The following DYNLL1 variants were observed in gnomAD, a reference collection of about 807,000 sequenced individuals.
DYNLL1 encodes the protein dynein light chain LC8-type 1.
A neutral mutation model predicts 10.1 loss-of-function variants in DYNLL1; 3 were observed. The observed-to-expected ratio is 0.30, with a 90% CI of 0.14 to 0.77. The LOEUF is 0.77. DYNLL1 is among the 30% of genes least tolerant of loss of function. The pLI is 0.66. For missense variants in DYNLL1, 47 were observed against 111.7 expected (o/e 0.42, Z 2.61); for synonymous variants, 46 against 41.2 (o/e 1.12, Z -0.45).
chr12:120,496,521 A>G lies in DYNLL1; in HGVS notation c.100A>G (p.Ile34Val), dbSNP rs748141393. The G allele has an allele frequency of 4.3e-6, 7 of 1,614,154 alleles. No individual in the cohort carries two copies. Among genetic ancestry groups the G allele is most frequent in the Admixed American group, 1.7e-5 (1 of 60,028 alleles). ...CATQALEKYN[I>V]EKDIAAHIKK... Reference sequence around the variant, plus strand: ...TACTCAGGCGCTGGAGAAATACAACATAGAGAAGGACATTGCGGCTCATAT... The same window carrying G: ...TACTCAGGCGCTGGAGAAATACAACGTAGAGAAGGACATTGCGGCTCATAT... The change falls in exon 2 of 3, where the codon ATA becomes GTA. Residue 34 changes from isoleucine (I) to valine (V), a missense_variant. Ile to Val is a conservative substitution (Grantham distance 29). Transcript: ENST00000242577.
At position 120,496,148 on chromosome 12, in the gene DYNLL1, A is replaced by C. The variant is rs1593007502; in HGVS notation, c.-75A>C. 1.8e-6 allele frequency: 1 copy of C among 545,820 alleles called. No individual in the cohort carries two copies. The highest frequency in any genetic ancestry group is 3.3e-6 in the Non-Finnish European group (1 of 306,970). 33.8% of individuals were successfully genotyped at this position (545,820 alleles called of 1,614,324 possible). ...CGGTTTCGGTAGCGACGGTATCTCT[A>C]GCCGGGCCTGAGCTGTGCTAGCACC... On this transcript the variant is annotated 5_prime_UTR_variant, in exon 1 of 3. Coordinates refer to ENST00000242577, the MANE Select transcript of DYNLL1 (RefSeq NM_003746.3).
At chr12:120,482,317 G>C (rs1241412884) in intron 1 of DYNLL1, among the ~76,000 whole-genome samples, 1 of 138,420 alleles carries the variant, frequency 7.2e-6, no homozygotes, top group Admixed American at 7.4e-5. Flanking sequence ...TACTAGATTT[G>C]CCAAAACAAT....
At chr12:120,471,760 G>C (rs188121936) in intron 1 of DYNLL1, among the ~76,000 whole-genome samples, 13 of 152,126 alleles carry the variant, frequency 8.5e-5, no homozygotes, top group Admixed American at 5.9e-4. Context: ...ACAGGTGCCT[G>C]CCACCACGCC....
rs375698180 is a variant in DYNLL1, at chr12:120,498,061, T to C, written c.133-12T>C. On this transcript the variant is annotated splice_polypyrimidine_tract_variant and intron_variant, in intron 2 of 2. Coordinates refer to ENST00000242577, the MANE Select transcript of DYNLL1 (RefSeq NM_003746.3). ...AATTAAAATCCTAGTTCTTTTCTTT[T>C]GTCTTTTCCAGGAATTTGACAAGAA... 6.2e-7 allele frequency: 1 copy of C among 1,612,616 alleles called. No homozygotes were observed. Among genetic ancestry groups the C allele is most frequent in the East Asian group, 2.2e-5 (1 of 44,870 alleles).
Position 120,498,054 on chromosome 12 carries a change from T to A in DYNLL1, c.133-19T>A. 1 of 1,611,672 alleles carries A rather than the reference T, an allele frequency of 6.2e-7. No individual in the cohort carries two copies. Among genetic ancestry groups the A allele is most frequent in the South Asian group, 1.1e-5 (1 of 90,638 alleles). ...CTCTGGTAATTAAAATCCTAGTTCT[T>A]TTCTTTTGTCTTTTCCAGGAATTTG... On this transcript the variant is annotated intron_variant, in intron 2 of 2. Coordinates refer to ENST00000242577, the MANE Select transcript of DYNLL1 (RefSeq NM_003746.3).
In DYNLL1 at chr12:120,498,160, A is replaced by G; in HGVS notation, c.220A>G (p.Ile74Val). 6.2e-7 allele frequency: 1 copy of G among 1,614,156 alleles called. No homozygotes were observed. Residue 74 changes from isoleucine (I) to valine (V), a missense_variant, in exon 3 of 3, where the codon ATC becomes GTC. Physicochemically the swap from Ile to Val is conservative, Grantham distance 29 (BLOSUM62 3). Transcript: ENST00000242577. ...TGTGACACATGAAACCAAACACTTC[A>G]TCTACTTCTACCTGGGCCAAGTGGC... ...SYVTHETKHF[I>V]YFYLGQVAIL...
intron 1 of DYNLL1, 51 bp downstream of exon 1, chr12:120,496,267 A>G: frequency 8.4e-7 from 1 of 1,194,444 alleles, no homozygotes; most frequent in Non-Finnish European, 1.2e-6. Flanking sequence ...ATTTCGCCCC[A>G]CTCCGGACTT....
At chr12:120,493,287 C>T (rs542442040), upstream of DYNLL1, among the ~76,000 whole-genome samples, 112 of 152,228 alleles carry the variant, frequency 7.4e-4, no homozygotes, top group Non-Finnish European at 1.3e-3. Context: ...CCTGTAATCC[C>T]AAAACTTAGG....
intron 1 of DYNLL1, among the ~76,000 whole-genome samples, chr12:120,481,469 A>G (rs1345034099): frequency 6.6e-6 from 1 of 152,168 alleles, no homozygotes; most frequent in Non-Finnish European, 1.5e-5. Context: ...TTCAGGTTCA[A>G]TAATTTACTA....
At chr12:120,478,265 G>A (rs921789961) in intron 1 of DYNLL1, among the ~76,000 whole-genome samples, 2 of 151,598 alleles carry the variant, frequency 1.3e-5, no homozygotes, top group Admixed American at 6.6e-5. Context: ...GCGCCACCAC[G>A]CCCAGCTAAT....
intron 1 of DYNLL1, among the ~76,000 whole-genome samples, chr12:120,479,458 AAAAAAAAAAAAATAAT>A (rs1490745679): frequency 7.6e-6 from 1 of 131,124 alleles, no homozygotes; most frequent in Non-Finnish European, 1.6e-5. Flanking sequence ...CCAAAAAAAA[AAAAAAAAAAAAATAAT>A]AATAATAATA....
chr12:120,491,027 G>T (rs560914090), intron 1 of DYNLL1: 7 of 152,496 alleles, frequency 4.6e-5, no homozygotes, highest in Admixed American at 3.9e-4. Context: ...TCAGAGAGGT[G>T]GACTCACTTG....
upstream of DYNLL1, among the ~76,000 whole-genome samples, chr12:120,493,212 T>C (rs1879177633): frequency 6.6e-6 from 1 of 152,186 alleles, no homozygotes; most frequent in African/African-American, 2.4e-5. Context: ...GGCTTTCCAT[T>C]TATGGTAATG....
upstream of DYNLL1, among the ~76,000 whole-genome samples, chr12:120,495,624 T>C (rs1316409702): frequency 7.5e-6 from 1 of 134,222 alleles, no homozygotes; most frequent in African/African-American, 2.8e-5. Context: ...ACCCTTTCAG[T>C]AAAGGGAGAG....
chr12:120,470,261 C>T (rs564709503), intron 1 of DYNLL1, among the ~76,000 whole-genome samples: 1 of 152,226 alleles, frequency 6.6e-6, no homozygotes, highest in East Asian at 1.9e-4. Context: ...AGAGTGCATC[C>T]GACTTGTGCT....
chr12:120,481,447 C>T (rs1878877761), intron 1 of DYNLL1, among the ~76,000 whole-genome samples: 1 of 152,126 alleles, frequency 6.6e-6, no homozygotes, highest in African/African-American at 2.4e-5. Context: ...TCAGAGGTTC[C>T]CACTCACCCC....
chr12:120,482,284 C>T (rs565266), intron 1 of DYNLL1, among the ~76,000 whole-genome samples: 148,544 of 152,078 alleles, frequency 0.98, 72,646 homozygotes, highest in Middle Eastern at 1. Flanking sequence ...CACTCCAGCC[C>T]GGGCAACATA....
chr12:120,481,616 CAG>C (rs1878881034), intron 1 of DYNLL1, among the ~76,000 whole-genome samples: 1 of 152,200 alleles, frequency 6.6e-6, no homozygotes, highest in Admixed American at 6.5e-5. Flanking sequence ...GAGGTGGGAA[CAG>C]AGCTTCCATG....
intron 1 of DYNLL1, among the ~76,000 whole-genome samples, chr12:120,483,969 C>T (rs1878939325): frequency 6.6e-6 from 1 of 150,808 alleles, no homozygotes; most frequent in Non-Finnish European, 1.5e-5. Flanking sequence ...GAATTGGCCA[C>T]TGTGTTTAGC....
Sources: allele counts gnomAD v4.1 joint callset (sites outside exome capture counted in the v4.1 genomes callset), GRCh38; gene constraint gnomAD v4.1.1; transcripts MANE v1.5; gene names NCBI Gene and HGNC (gene_info 2026-07-23, HGNC 2026-07-21).